SMCHD1: variants seen among roughly 807,000 people sequenced by gnomAD.
SMCHD1 encodes the protein structural maintenance of chromosomes flexible hinge domain containing 1, also known as structural maintenance of chromosomes flexible hinge domain-containing protein 1.
SMCHD1 carries 78 observed loss-of-function variants against 254.7 expected under a neutral mutation model. The observed-to-expected ratio is 0.31, with a 90% confidence interval of 0.26 to 0.37. The LOEUF is 0.37. Ranked by LOEUF, SMCHD1 falls within the 10% of genes least tolerant of loss-of-function variation. The pLI is 1.00. For missense variants in SMCHD1, 1,840 were observed against 2,408.1 expected (o/e 0.76, Z 4.94); for synonymous variants, 766 against 794.9 (o/e 0.96, Z 0.61).
intron 5 of SMCHD1, among the ~76,000 whole-genome samples, chr18:2,682,427 G>A (rs1036291466): frequency 3.3e-5 from 5 of 151,544 alleles, no homozygotes; most frequent in African/African-American, 1.2e-4. Context: ...CCAGGTTCAA[G>A]CAGTCCTGCC....
chr18:2,707,834 A>G lies in SMCHD1; in HGVS notation c.2174A>G (p.Lys725Arg). 1 of 1,608,242 alleles carries G rather than the reference A, an allele frequency of 6.2e-7. No homozygotes were observed. Among genetic ancestry groups the G allele is most frequent in the African/African-American group, 1.3e-5 (1 of 74,812 alleles). Residue 725 changes from lysine to arginine, a missense_variant, in exon 17 of 48, where the codon AAA becomes AGA. Around this residue, in one of 9 missense-constraint regions of SMCHD1, gnomAD observed 498 missense variants for 743.5 expected, o/e 0.67. Transcript: ENST00000320876. Reference protein sequence around the residue: ...IGALRIEILNKKGEAMQKLPG... With the variant: ...IGALRIEILNRKGEAMQKLPG... ...GCGTTAAGAATTGAAATACTGAATAAAAAAGGGGAAGCAATGCAAAAGCTT... is the reference window on the plus strand; with the variant it reads ...GCGTTAAGAATTGAAATACTGAATAGAAAAGGGGAAGCAATGCAAAAGCTT...
chr18:2,722,883 G>A (rs188023118), intron 20 of SMCHD1, among the ~76,000 whole-genome samples: 30 of 152,198 alleles, frequency 2.0e-4, no homozygotes, highest in African/African-American at 7.0e-4. Flanking sequence ...TGGATTTATT[G>A]CTGAAGTTGT....
chr18:2,691,524 G>A (rs893522528), intron 7 of SMCHD1: 5 of 152,270 alleles, frequency 3.3e-5, no homozygotes, highest in African/African-American at 1.2e-4. Context: ...TGTGTTATTT[G>A]CTACTTATGT....
At position 2,747,582 on chromosome 18, in the gene SMCHD1, C is replaced by G; in HGVS notation, c.3862C>G (p.Gln1288Glu). 1 of 1,609,632 alleles carries G rather than the reference C, an allele frequency of 6.2e-7. No homozygotes were observed. Among genetic ancestry groups the G allele is most frequent in the Non-Finnish European group, 8.5e-7 (1 of 1,176,618 alleles). Residue 1288 changes from glutamine (Q) to glutamate (E), a missense_variant, in exon 30 of 48, where the codon CAG becomes GAG. Physicochemically the swap from Gln to Glu is conservative, Grantham distance 29. This residue lies in a region of SMCHD1 where 881 missense variants were observed against 1,009.5 expected (regional missense o/e 0.87). Transcript: ENST00000320876. ...CCCTATTATTGTTCAACTTTGTGAT[C>G]AGTGGGATAATCCAGCACCGGTACA... ...QNPIIVQLCDQWDNPAPVQHV... is the reference protein window; with the variant it reads ...QNPIIVQLCDEWDNPAPVQHV...
chr18:2,782,116 C>G (rs959031379), intron 44 of SMCHD1, among the ~76,000 whole-genome samples: 2 of 152,192 alleles, frequency 1.3e-5, no homozygotes, highest in Admixed American at 6.5e-5. Flanking sequence ...TCATATGTAA[C>G]TTTGCCAATC....
chr18:2,658,198 A>G (rs1014453531), intron 1 of SMCHD1, among the ~76,000 whole-genome samples: 20 of 152,326 alleles, frequency 1.3e-4, no homozygotes, highest in African/African-American at 4.6e-4. Flanking sequence ...CTTGTTTCGT[A>G]TTTTAAAATT....
At chr18:2,768,430 C>T (rs966611209) in intron 37 of SMCHD1, among the ~76,000 whole-genome samples, 2 of 151,906 alleles carry the variant, frequency 1.3e-5, no homozygotes, top group African/African-American at 4.8e-5. Flanking sequence ...GATACAGCTT[C>T]TTATAAGGGA....
chr18:2,697,908 T>G lies in SMCHD1; in HGVS notation c.1209T>G (p.Tyr403Ter). ...TACAAGACGACATGCAGACGTTGTA[T>G]GTAAACACAGCAGCTGATAGTTTTG... ...REIQDDMQTLYVNTAADSFEF... is the reference protein window; with the variant it reads ...REIQDDMQTL Residue 403 changes from tyrosine (Y) to a stop codon, truncating the protein, a stop_gained, in exon 10 of 48, where the codon TAT becomes TAG. Transcript: ENST00000320876. LOFTEE classifies it high-confidence loss of function. 1.2e-6 allele frequency: 2 copies of G among 1,613,778 alleles called. No individual in the cohort carries two copies. The highest frequency in any genetic ancestry group is 1.7e-6 in the Non-Finnish European group (2 of 1,179,756).
chr18:2,749,736 TA>T (rs2075536356), intron 30 of SMCHD1, among the ~76,000 whole-genome samples: 1 of 152,216 alleles, frequency 6.6e-6, no homozygotes, highest in Non-Finnish European at 1.5e-5. Flanking sequence ...TGTGTTTGTG[TA>T]AACAAACTTC....
intron 44 of SMCHD1, among the ~76,000 whole-genome samples, chr18:2,778,699 G>A (rs1448578745): frequency 1.3e-5 from 2 of 152,150 alleles, no homozygotes; most frequent in Non-Finnish European, 1.5e-5. Context: ...GACTGTGAAT[G>A]AAGGATCTGT....
chr18:2,756,057 A>G (rs762276400), intron 34 of SMCHD1, among the ~76,000 whole-genome samples: 2 of 152,166 alleles, frequency 1.3e-5, no homozygotes, highest in Non-Finnish European at 2.9e-5. Context: ...AGTCTTAATT[A>G]TAAATTGACT....
chr18:2,708,330 C>G (rs972111137), intron 17 of SMCHD1, among the ~76,000 whole-genome samples: 1 of 152,062 alleles, frequency 6.6e-6, no homozygotes, highest in African/African-American at 2.4e-5. Context: ...TGCATTTCTT[C>G]CTGGAGGTTC....
At position 2,718,255 on chromosome 18, in the gene SMCHD1, G is replaced by C. The variant is rs752416512; in HGVS notation, c.2338+20G>C. ...AAATGGGTGAGTTCTTATTCTGAATGTTAAAAAATACATTGGTATTGTGTT... is the reference window on the plus strand; with the variant it reads ...AAATGGGTGAGTTCTTATTCTGAATCTTAAAAAATACATTGGTATTGTGTT... On this transcript the variant is annotated intron_variant, in intron 18 of 47. Transcript: ENST00000320876. The surrounding 1 kb of genome is among the most constrained non-coding windows in gnomAD (Gnocchi z 4.6). 6.2e-7 allele frequency: 1 copy of C among 1,610,894 alleles called. No homozygotes were observed. The highest frequency in any genetic ancestry group is 8.5e-7 in the Non-Finnish European group (1 of 1,178,286).
Position 2,734,588 on chromosome 18 carries a change from G to A in SMCHD1, c.3276+2096G>A, listed in dbSNP as rs77096912. ...CTGGGGAATCTATTGAGGGGAGTAC[G>A]CAGCCAGGGTGAGTGAGGAAAGCCT... is the stretch of plus-strand genomic sequence containing the variant. On this transcript the variant is annotated intron_variant, in intron 25 of 47. Coordinates refer to ENST00000320876, the MANE Select transcript of SMCHD1 (RefSeq NM_015295.3). Among the ~76,000 whole-genome samples, 944 of 151,808 alleles carry A rather than the reference G, an allele frequency of 6.2e-3. 11 individuals are homozygous for A. The highest frequency in any genetic ancestry group is 0.022 in the African/African-American group (891 of 41,370).
intron 3 of SMCHD1, among the ~76,000 whole-genome samples, chr18:2,672,334 C>A (rs1039470124): frequency 1.3e-5 from 2 of 152,170 alleles, no homozygotes; most frequent in South Asian, 2.1e-4. Flanking sequence ...TCAAGCGATT[C>A]TCCTGCCTCA....
chr18:2,760,613 C>T, intron 34 of SMCHD1, 39 bp from the exon 35 acceptor site: 1 of 1,146,718 alleles, frequency 8.7e-7, no homozygotes, highest in Non-Finnish European at 1.3e-6. Context: ...CCCCTTTATA[C>T]AAACATTGTC....
chr18:2,697,887 AGAC>A lies in SMCHD1; in HGVS notation c.1192_1194del (p.Asp398del). 1 of 1,613,756 alleles carries A rather than the reference AGAC, an allele frequency of 6.2e-7. No individual in the cohort carries two copies. The highest frequency in any genetic ancestry group is 1.1e-5 in the South Asian group (1 of 91,086). On this transcript the variant is annotated inframe_deletion, in exon 10 of 48. Coordinates refer to ENST00000320876, the MANE Select transcript of SMCHD1 (RefSeq NM_015295.3). ...AGATTGTCAACCTAAGGGAAATACA[AGAC>A]GACATGCAGACGTTGTATGTAAACA...
chr18:2,769,172 G>T (rs1333772558), intron 37 of SMCHD1, among the ~76,000 whole-genome samples: 1 of 152,080 alleles, frequency 6.6e-6, no homozygotes, highest in Non-Finnish European at 1.5e-5. Context: ...ATCCATTAAT[G>T]AGAAAGACAC....
At chr18:2,726,561 AT>A in intron 22 of SMCHD1, 37 bp downstream of exon 22, 1 of 1,051,132 alleles carries the variant, frequency 9.5e-7, no homozygotes, top group Non-Finnish European at 1.3e-6. Context: ...ATTTAAAATA[AT>A]TTTCTTATGT....
Sources: allele counts gnomAD v4.1 joint callset (sites outside exome capture counted in the v4.1 genomes callset), GRCh38; gene constraint gnomAD v4.1.1; regional missense constraint gnomAD v4.1.1; non-coding constraint Gnocchi (gnomAD v3.1); transcripts MANE v1.5; gene names NCBI Gene and HGNC (gene_info 2026-07-23, HGNC 2026-07-21).